CTNNA2: variants seen among roughly 807,000 people sequenced by gnomAD.
CTNNA2 encodes the protein catenin alpha 2.
In CTNNA2, 42 loss-of-function variants were observed where a neutral mutation model predicts 101.0. The observed-to-expected ratio is 0.42, with a 90% CI of 0.32 to 0.54. The LOEUF (loss-of-function observed/expected upper bound fraction) is 0.54, where lower values mean the gene tolerates loss of function less well. CTNNA2 is among the 20% of genes least tolerant of loss of function. The probability of loss-of-function intolerance (pLI) is 0.14; values close to 1 mark genes in which losing one functional copy is unlikely to be tolerated. For missense variants in CTNNA2, 871 were observed against 1,223.1 expected (o/e 0.71, Z 4.29); for synonymous variants, 450 against 456.4 (o/e 0.99, Z 0.18).
intron 7 of CTNNA2, among the ~76,000 whole-genome samples, chr2:80,115,803 A>G (rs912979976): frequency 6.6e-6 from 1 of 152,148 alleles, no homozygotes; most frequent in African/African-American, 2.4e-5. Flanking sequence ...AGACATGAAA[A>G]AAGATGAGGG....
intron 9 of CTNNA2, among the ~76,000 whole-genome samples, chr2:80,435,293 C>T (rs1300379318): frequency 2.0e-5 from 3 of 152,174 alleles, no homozygotes; most frequent in East Asian, 3.8e-4. Flanking sequence ...CAGCAGATAA[C>T]ACAAGAAATA....
At chr2:80,060,749 A>G (rs1489188564) in intron 7 of CTNNA2, among the ~76,000 whole-genome samples, 1 of 152,154 alleles carries the variant, frequency 6.6e-6, no homozygotes, top group Non-Finnish European at 1.5e-5. Flanking sequence ...CAGTGGATAC[A>G]TGAATTACTG....
chr2:79,485,477 A>G (rs1671148528), intron 4 of CTNNA2, among the ~76,000 whole-genome samples: 1 of 152,260 alleles, frequency 6.6e-6, no homozygotes, highest in Admixed American at 6.5e-5. Flanking sequence ...TCTATTTTAT[A>G]CTGCTCCTAA....
chr2:79,879,570 C>T (rs899861487), intron 6 of CTNNA2, among the ~76,000 whole-genome samples: 6 of 151,770 alleles, frequency 4.0e-5, no homozygotes, highest in Non-Finnish European at 7.4e-5. Context: ...ATTTTATTAT[C>T]TTTGTAGCTA....
chr2:80,418,044 C>A (rs1316557299), intron 8 of CTNNA2, among the ~76,000 whole-genome samples: 1 of 152,072 alleles, frequency 6.6e-6, no homozygotes, highest in African/African-American at 2.4e-5. Context: ...TTCCTTTTGT[C>A]TCTGTTGTCC....
intron 18 of CTNNA2, among the ~76,000 whole-genome samples, chr2:80,639,430 G>A (rs577991213): frequency 3.3e-5 from 5 of 152,002 alleles, no homozygotes; most frequent in South Asian, 4.2e-4. Flanking sequence ...GACTGGTCTC[G>A]ATCTCCTGAC....
chr2:79,683,736 T>A (rs879229622), intron 2 of CTNNA2, among the ~76,000 whole-genome samples: 1 of 152,120 alleles, frequency 6.6e-6, no homozygotes, highest in Admixed American at 6.6e-5. Context: ...GTGAGAGAGT[T>A]CCCACAAGTT....
At chr2:80,617,349 G>A (rs1381226802) in intron 17 of CTNNA2, among the ~76,000 whole-genome samples, 4 of 151,620 alleles carry the variant, frequency 2.6e-5, no homozygotes, top group Admixed American at 6.6e-5. Context: ...ATATGTAAAA[G>A]TGGAGAGAAA....
chr2:80,063,763 T>C (rs1488274550), intron 7 of CTNNA2, among the ~76,000 whole-genome samples: 1 of 152,276 alleles, frequency 6.6e-6, no homozygotes, highest in East Asian at 1.9e-4. Flanking sequence ...CTTGTTTCTC[T>C]TGAGCTTCAA....
intron 3 of CTNNA2, among the ~76,000 whole-genome samples, chr2:79,790,454 A>G (rs192064994): frequency 6.6e-6 from 1 of 152,184 alleles, no homozygotes; most frequent in African/African-American, 2.4e-5. Context: ...TAAAATGCCA[A>G]AAAGAGTAGG....
At chr2:80,300,856 T>A (rs1289708427) in intron 7 of CTNNA2, among the ~76,000 whole-genome samples, 1 of 150,674 alleles carries the variant, frequency 6.6e-6, no homozygotes, top group African/African-American at 2.5e-5. Flanking sequence ...TACCACCACC[T>A]CCTCACTCTT....
chr2:80,177,052 G>A (rs1705437139), intron 7 of CTNNA2, among the ~76,000 whole-genome samples: 1 of 152,108 alleles, frequency 6.6e-6, no homozygotes, highest in Non-Finnish European at 1.5e-5. Context: ...GCAAAGTATT[G>A]TCACCTAGTT....
chr2:80,253,244 C>T (rs1285106625), intron 7 of CTNNA2, among the ~76,000 whole-genome samples: 1 of 152,134 alleles, frequency 6.6e-6, no homozygotes, highest in East Asian at 1.9e-4. Flanking sequence ...GAGCCATTGT[C>T]TCTTCTTGAG....
chr2:79,289,925 C>T (rs1415407256), intron 2 of CTNNA2, among the ~76,000 whole-genome samples: 1 of 152,092 alleles, frequency 6.6e-6, no homozygotes, highest in Non-Finnish European at 1.5e-5. Flanking sequence ...AGAACTTTGG[C>T]CCAGATAATC....
intron 7 of CTNNA2, among the ~76,000 whole-genome samples, chr2:79,917,228 C>T (rs1686313388): frequency 6.6e-6 from 1 of 151,892 alleles, no homozygotes; most frequent in African/African-American, 2.4e-5. Context: ...CCTGCCACCA[C>T]GTCCAGCTAA....
At position 80,208,914 on chromosome 2, in the gene CTNNA2, T is replaced by A. The variant is rs1421247731; in HGVS notation, c.1057-184297T>A. ...CACTGGCCACCTCTACTGTGTGACTTTTATGGGGGAAAACTTGTGACCACC... is the reference window on the plus strand; with the variant it reads ...CACTGGCCACCTCTACTGTGTGACTATTATGGGGGAAAACTTGTGACCACC... On this transcript the variant is annotated intron_variant, in intron 7 of 18. Transcript: ENST00000402739. 1.3e-5 allele frequency among the ~76,000 whole-genome samples: 2 copies of A among 152,152 alleles called. 1 individual carries two copies. Among genetic ancestry groups the A allele is most frequent in the Middle Eastern group, 6.3e-3 (2 of 316 alleles).
chr2:79,558,847 A>G (rs79177644), intron 1 of CTNNA2, among the ~76,000 whole-genome samples: 2,786 of 151,944 alleles, frequency 0.018, 43 homozygotes, highest in Non-Finnish European at 0.028. Context: ...GTGCCAAACT[A>G]AGAAGAAAAT....
At chr2:79,715,860 T>C (rs1686062824) in intron 2 of CTNNA2, among the ~76,000 whole-genome samples, 2 of 152,044 alleles carry the variant, frequency 1.3e-5, no homozygotes, top group Non-Finnish European at 2.9e-5. Context: ...CAAGCATAAG[T>C]AGAAGATCCT....
intron 3 of CTNNA2, among the ~76,000 whole-genome samples, chr2:79,338,444 A>G (rs1677045907): frequency 6.6e-6 from 1 of 152,124 alleles, no homozygotes; most frequent in African/African-American, 2.4e-5. Context: ...GGAATGAAAA[A>G]GAGAACTATG....
Sources: allele counts gnomAD v4.1 joint callset (sites outside exome capture counted in the v4.1 genomes callset), GRCh38; gene constraint gnomAD v4.1.1; transcripts MANE v1.5; gene names NCBI Gene and HGNC (gene_info 2026-07-23, HGNC 2026-07-21).